The following SYTL2 variants were observed in gnomAD, a reference collection of about 807,000 sequenced individuals.
SYTL2 encodes synaptotagmin like 2.
SYTL2 carries 165 observed loss-of-function variants against 198.7 expected under a neutral mutation model. The observed-to-expected ratio is 0.83, with a 90% CI of 0.73 to 0.94. The LOEUF (loss-of-function observed/expected upper bound fraction) is 0.94. Ranked by LOEUF, SYTL2 falls within the 40% of genes least tolerant of loss-of-function variation. The pLI is 0.00. For missense variants in SYTL2, 2,835 were observed against 2,582.8 expected (o/e 1.10, Z -2.12); for synonymous variants, 966 against 917.7 (o/e 1.05, Z -0.95).
intron 1 of SYTL2, among the ~76,000 whole-genome samples, chr11:85,802,100 C>T (rs930740593): frequency 6.6e-6 from 1 of 152,056 alleles, no homozygotes; most frequent in Non-Finnish European, 1.5e-5. Context: ...AGGCATGGGC[C>T]ACCGTGCCTG....
chr11:85,833,612 G>C, the SYTL2 span, among the ~76,000 whole-genome samples: 1 of 151,596 alleles, frequency 6.6e-6, no homozygotes, highest in Admixed American at 6.6e-5. Flanking sequence ...AATCTGTGTA[G>C]CATAAGAAAA....
chr11:85,832,998 AAAAAAAAGAAAGAAAAGAAAGAAAG>A, the SYTL2 span, among the ~76,000 whole-genome samples: 6 of 106,550 alleles, frequency 5.6e-5, no homozygotes, highest in African/African-American at 3.7e-5. Flanking sequence ...CCTGTCTCAA[AAAAAAAAGAAAGAAAAGAAAGAAAG>A]AAAGAAAGAA....
intron 2 of SYTL2, among the ~76,000 whole-genome samples, chr11:85,753,808 A>T (rs1382338180): frequency 6.6e-6 from 1 of 151,776 alleles, no homozygotes; most frequent in Non-Finnish European, 1.5e-5. Context: ...GTGACATATA[A>T]ACTAAATCAT....
chr11:85,731,010 C>A (rs1487079055), intron 7 of SYTL2, among the ~76,000 whole-genome samples: 1 of 152,048 alleles, frequency 6.6e-6, no homozygotes, highest in Non-Finnish European at 1.5e-5. Context: ...AACAAAATAC[C>A]TAGGAATCCA....
At chr11:85,798,534 G>A (rs917899731) in intron 1 of SYTL2, among the ~76,000 whole-genome samples, 1 of 152,186 alleles carries the variant, frequency 6.6e-6, no homozygotes, top group Non-Finnish European at 1.5e-5. Flanking sequence ...TCCAAGTCCA[G>A]TCCCAGGTTT....
At chr11:85,757,414 A>G (rs893357572) in intron 2 of SYTL2, among the ~76,000 whole-genome samples, 1 of 152,204 alleles carries the variant, frequency 6.6e-6, no homozygotes, top group African/African-American at 2.4e-5. Flanking sequence ...TTTTTAATCA[A>G]GACCCTATTT....
intron 9 of SYTL2, 93 bp from the exon 10 acceptor site, chr11:85,718,936 G>T: frequency 1.3e-6 from 2 of 1,559,072 alleles, no homozygotes; most frequent in Non-Finnish European, 1.7e-6. Flanking sequence ...GGAGTTGGAA[G>T]CAATTAGTCA....
At chr11:85,706,366 G>A (rs2085145180) in intron 15 of SYTL2, among the ~76,000 whole-genome samples, 1 of 152,154 alleles carries the variant, frequency 6.6e-6, no homozygotes, top group South Asian at 2.1e-4. Flanking sequence ...CTACCCTCAT[G>A]GAACTTACAA....
intron 2 of SYTL2, among the ~76,000 whole-genome samples, chr11:85,754,012 C>T (rs904062093): frequency 1.3e-5 from 2 of 152,072 alleles, no homozygotes; most frequent in Non-Finnish European, 1.5e-5. Context: ...GAGAGTTATA[C>T]TCCAAAGTCT....
chr11:85,721,770 G>A (rs1019246461), intron 8 of SYTL2, among the ~76,000 whole-genome samples: 4 of 152,158 alleles, frequency 2.6e-5, no homozygotes, highest in Non-Finnish European at 5.9e-5. Context: ...GTTCTGCCTA[G>A]TACATTCCAT....
At chr11:85,853,255 T>C in the SYTL2 span, 2 of 430,614 alleles carry the variant, frequency 4.6e-6, no homozygotes, top group Non-Finnish European at 9.2e-6. Flanking sequence ...AGAAATCAGA[T>C]TGTTGCCGTG....
intron 9 of SYTL2, among the ~76,000 whole-genome samples, chr11:85,720,091 T>C (rs997470829): frequency 2.0e-5 from 3 of 152,232 alleles, no homozygotes; most frequent in Non-Finnish European, 1.5e-5. Context: ...TTTCTGCTAG[T>C]ACTCAAGAAA....
intron 14 of SYTL2, 84 bp from the exon 15 acceptor site, chr11:85,707,615 G>A (rs2085407654): frequency 1.7e-5 from 15 of 876,636 alleles, no homozygotes; most frequent in Non-Finnish European, 2.6e-5. Flanking sequence ...ATTGAAAACT[G>A]ACAGCAGAAA....
intron 1 of SYTL2, among the ~76,000 whole-genome samples, chr11:85,776,575 G>A (rs1276163774): frequency 6.6e-6 from 1 of 152,200 alleles, no homozygotes. Context: ...CAAAGGACAT[G>A]AACTCATCCC....
intron 1 of SYTL2, among the ~76,000 whole-genome samples, chr11:85,797,390 G>A (rs1163623445): frequency 6.6e-6 from 1 of 152,116 alleles, no homozygotes; most frequent in East Asian, 1.9e-4. Flanking sequence ...CACTTTGGGA[G>A]GCTGAGGTGG....
chr11:85,844,686 C>A, the SYTL2 span, among the ~76,000 whole-genome samples: 1 of 152,212 alleles, frequency 6.6e-6, no homozygotes, highest in Non-Finnish European at 1.5e-5. Context: ...GAGCCTGAGA[C>A]AAGCTCCTTG....
intron 1 of SYTL2, among the ~76,000 whole-genome samples, chr11:85,802,719 G>C (rs2092908795): frequency 6.6e-6 from 1 of 152,186 alleles, no homozygotes; most frequent in African/African-American, 2.4e-5. Flanking sequence ...TTATTGAATA[G>C]TGACTCTATG....
the SYTL2 span, among the ~76,000 whole-genome samples, chr11:85,849,568 C>G: frequency 6.6e-6 from 1 of 151,788 alleles, no homozygotes; most frequent in Non-Finnish European, 1.5e-5. Flanking sequence ...GCTTGTTTTT[C>G]TCAGGTTTGT....
rs773253490 is a variant in SYTL2, at chr11:85,726,689, T to C, written c.2669A>G (p.Tyr890Cys). 6.6e-5 allele frequency: 101 copies of C among 1,536,248 alleles called. No homozygotes were observed. Among genetic ancestry groups the C allele is most frequent in the Non-Finnish European group, 8.4e-5 (96 of 1,146,922 alleles). ...ATCTGATTGCTCAGCTGAAAGATAG[T>C]ATCTGGATGGACCTGCTATTTGTGG... ...TKPQIAGPSR[Y>C]YLSAEQSDKV... Residue 890 changes from tyrosine to cysteine, a missense_variant, in exon 8 of 20, where the codon TAC (tyrosine) becomes TGC (cysteine). By Grantham distance (194) the Tyr-to-Cys change is radical. This residue lies in a region of SYTL2 where 2,645 missense variants were observed against 2,381.7 expected (regional missense o/e 1.11). Coordinates refer to ENST00000359152, the MANE Select transcript of SYTL2 (RefSeq NM_206927.4).
Sources: allele counts gnomAD v4.1 joint callset (sites outside exome capture counted in the v4.1 genomes callset), GRCh38; gene constraint gnomAD v4.1.1; regional missense constraint gnomAD v4.1.1; transcripts MANE v1.5; gene names NCBI Gene and HGNC (gene_info 2026-07-23, HGNC 2026-07-21).